Variants in SLC7A1 observed in about 807,000 individuals in gnomAD.
The protein encoded by SLC7A1 is high affinity cationic amino acid transporter 1.
Under a neutral mutation model 53.9 loss-of-function variants are expected in SLC7A1, and 10 were observed. That is an observed-to-expected ratio of 0.19 (90% CI 0.11 to 0.31). The LOEUF is 0.31. Among genes scored for constraint, SLC7A1 ranks in the 10% least tolerant of loss-of-function variants. The pLI is 1.00. For synonymous variants in SLC7A1, 342 were observed against 338.7 expected (o/e 1.01, Z -0.11); for missense variants, 525 against 827.2 (o/e 0.63, Z 4.48).
At chr13:29,581,063 A>C (rs1346082177) in intron 1 of SLC7A1, among the ~76,000 whole-genome samples, 2 of 152,240 alleles carry the variant, frequency 1.3e-5, no homozygotes, top group African/African-American at 4.8e-5. Flanking sequence ...TATGCTATTT[A>C]ACAGAAATAG....
At chr13:29,592,634 T>C (rs896916832) in intron 1 of SLC7A1, among the ~76,000 whole-genome samples, 4 of 152,258 alleles carry the variant, frequency 2.6e-5, no homozygotes, top group Middle Eastern at 3.4e-3. Flanking sequence ...TAGATGGGTA[T>C]GGGAGTGGGG....
chr13:29,575,268 A>G (rs892596135), intron 1 of SLC7A1, among the ~76,000 whole-genome samples: 2 of 152,230 alleles, frequency 1.3e-5, no homozygotes, highest in Non-Finnish European at 2.9e-5. Flanking sequence ...TAAAGGTATT[A>G]TTCTACCCGG....
intron 2 of SLC7A1, among the ~76,000 whole-genome samples, chr13:29,545,106 TG>T (rs1869855773): frequency 6.6e-6 from 1 of 152,188 alleles, no homozygotes; most frequent in African/African-American, 2.4e-5. Context: ...ATCAACAACT[TG>T]TGAGGGTCTT....
intron 1 of SLC7A1, among the ~76,000 whole-genome samples, chr13:29,554,754 T>TA (rs1870355495): frequency 1.3e-5 from 2 of 152,222 alleles, no homozygotes; most frequent in South Asian, 4.1e-4. Context: ...TTTTATAACT[T>TA]AGACAGCAGC....
chr13:29,532,035 T>A (rs138274201), intron 4 of SLC7A1, among the ~76,000 whole-genome samples: 37 of 152,320 alleles, frequency 2.4e-4, no homozygotes, highest in Middle Eastern at 3.4e-3. Context: ...TTCTGATGCA[T>A]GTTTCTGCCA....
intron 1 of SLC7A1, among the ~76,000 whole-genome samples, chr13:29,593,718 A>C (rs1872197406): frequency 6.6e-6 from 1 of 152,222 alleles, no homozygotes; most frequent in Non-Finnish European, 1.5e-5. Context: ...ACCAAATAGA[A>C]AATTGTAACT....
At chr13:29,519,580 A>T in intron 8 of SLC7A1, 31 bp from the exon 9 acceptor site, 1 of 1,375,410 alleles carries the variant, frequency 7.3e-7, no homozygotes, top group Non-Finnish European at 1.0e-6. Context: ...GGATCTGTGG[A>T]GGGCCATCTG....
At chr13:29,522,021 G>A (rs1044797453) in intron 8 of SLC7A1, among the ~76,000 whole-genome samples, 3 of 152,184 alleles carry the variant, frequency 2.0e-5, no homozygotes, top group East Asian at 3.8e-4. Context: ...TCAGGGAAAC[G>A]TCCAGAAATG....
intron 3 of SLC7A1, among the ~76,000 whole-genome samples, chr13:29,533,853 G>C (rs1174089889): frequency 1.3e-5 from 2 of 152,156 alleles, no homozygotes; most frequent in East Asian, 3.8e-4. Flanking sequence ...CATTTTCATA[G>C]AGCGTTTTCC....
At chr13:29,518,828 G>T (rs1374713893) in intron 9 of SLC7A1, among the ~76,000 whole-genome samples, 1 of 152,070 alleles carries the variant, frequency 6.6e-6, no homozygotes, top group Admixed American at 6.5e-5. Flanking sequence ...GCAGGGATGT[G>T]CTTTGGGAGT....
chr13:29,538,092 C>T (rs555828476), intron 2 of SLC7A1, among the ~76,000 whole-genome samples: 6 of 152,136 alleles, frequency 3.9e-5, no homozygotes, highest in African/African-American at 1.2e-4. Flanking sequence ...AATCTCAAGA[C>T]TCATAAAATT....
At chr13:29,581,435 G>T (rs1871641615) in intron 1 of SLC7A1, among the ~76,000 whole-genome samples, 2 of 152,288 alleles carry the variant, frequency 1.3e-5, no homozygotes, top group African/African-American at 4.8e-5. Context: ...CACAGCCAAG[G>T]TTTCCCTGAA....
In SLC7A1 at chr13:29,593,801, A is replaced by G. The variant is rs570300045; in HGVS notation, c.-115+1615T>C. On this transcript the variant is annotated intron_variant, in intron 1 of 12. Transcript: ENST00000380752. The stretch of plus-strand genomic sequence containing the variant: ...ACCTAAAGCAAGTAATCATATGTAC[A>G]GGAGCACGTGGCTCTAGGATCCAGA... Among the ~76,000 whole-genome samples the G allele has an allele frequency of 3.3e-4, 50 of 152,190 alleles. 1 individual carries two copies. Among genetic ancestry groups the G allele is most frequent in the African/African-American group, 1.2e-3 (48 of 41,520 alleles).
chr13:29,563,643 G>T (rs1870853933), intron 1 of SLC7A1, among the ~76,000 whole-genome samples: 1 of 152,216 alleles, frequency 6.6e-6, no homozygotes, highest in Admixed American at 6.5e-5. Flanking sequence ...TTGTCCAACT[G>T]TTGGGGATGC....
intron 1 of SLC7A1, among the ~76,000 whole-genome samples, chr13:29,594,461 T>C (rs1300629036): frequency 6.6e-6 from 1 of 152,252 alleles, no homozygotes; most frequent in African/African-American, 2.4e-5. Flanking sequence ...AACTGCTGTC[T>C]GGTTCCCCCA....
At chr13:29,576,790 C>G (rs1384208966) in intron 1 of SLC7A1, among the ~76,000 whole-genome samples, 2 of 152,292 alleles carry the variant, frequency 1.3e-5, no homozygotes, top group East Asian at 3.9e-4. Flanking sequence ...GAGAATTGGC[C>G]AACCATTGCC....
intron 1 of SLC7A1, among the ~76,000 whole-genome samples, chr13:29,592,962 G>T (rs1160200826): frequency 6.6e-6 from 1 of 152,088 alleles, no homozygotes; most frequent in African/African-American, 2.4e-5. Context: ...GGGAGGCCAT[G>T]GGCAGCAAGG....
chr13:29,588,765 A>G (rs1871991078), intron 1 of SLC7A1, among the ~76,000 whole-genome samples: 1 of 152,132 alleles, frequency 6.6e-6, no homozygotes, highest in Non-Finnish European at 1.5e-5. Context: ...TCAGCCTCCC[A>G]AAGTGCTGGG....
chr13:29,528,836 G>C (rs1451010955), intron 5 of SLC7A1, among the ~76,000 whole-genome samples: 1 of 152,144 alleles, frequency 6.6e-6, no homozygotes, highest in African/African-American at 2.4e-5. Context: ...GCTTTGTCTG[G>C]GGGCCGGTAC....
Sources: gnomAD v4.1 joint callset for allele counts (sites outside exome capture counted in the v4.1 genomes callset) on GRCh38, gnomAD v4.1.1 for gene constraint, MANE v1.5 for transcripts, NCBI Gene and HGNC (gene_info 2026-07-23, HGNC 2026-07-21) for gene names.